Variants in ADAMTS6 observed in about 807,000 individuals in gnomAD.
ADAMTS6 encodes the protein ADAM metallopeptidase with thrombospondin type 1 motif 6.
ADAMTS6 carries 23 observed loss-of-function variants against 144.3 expected under a neutral mutation model. The observed-to-expected ratio is 0.16, with a 90% CI of 0.11 to 0.23. The LOEUF is 0.23. Among genes scored for constraint, ADAMTS6 ranks in the 10% least tolerant of loss-of-function variants. ADAMTS6 has a pLI of 1.00. For synonymous variants in ADAMTS6, 444 were observed against 457.5 expected (o/e 0.97, Z 0.38); for missense variants, 999 against 1,379.6 (o/e 0.72, Z 4.37).
At chr5:65,155,750 T>A (rs887836281) in intron 24 of ADAMTS6, among the ~76,000 whole-genome samples, 57 of 152,310 alleles carry the variant, frequency 3.7e-4, no homozygotes, top group African/African-American at 1.3e-3. Flanking sequence ...ATTCTTAGCA[T>A]CTAAACGCAA....
intron 22 of ADAMTS6, 116 bp downstream of exon 22, chr5:65,187,900 T>C (rs1262113122): frequency 1.9e-6 from 2 of 1,049,528 alleles, no homozygotes; most frequent in African/African-American, 3.2e-5. Context: ...TGGTCACTGT[T>C]ACACAGCCCT....
At chr5:65,388,369 G>A (rs1300853744) in intron 7 of ADAMTS6, among the ~76,000 whole-genome samples, 1 of 152,142 alleles carries the variant, frequency 6.6e-6, no homozygotes, top group Non-Finnish European at 1.5e-5. Context: ...CTTCTGATGA[G>A]GTTCTGATGA....
chr5:65,225,215 G>A lies in ADAMTS6; in HGVS notation c.2068-168C>T, dbSNP rs2112395665. Among the ~76,000 whole-genome samples, 2 of 152,210 alleles carry A rather than the reference G, an allele frequency of 1.3e-5. 1 individual carries two copies. ...TGGGTCTTTGTTATTTGAAAAACTTGAATACTACTACAAAAATAACTTTTT... is the reference window on the plus strand; with the variant it reads ...TGGGTCTTTGTTATTTGAAAAACTTAAATACTACTACAAAAATAACTTTTT... On this transcript the variant is annotated intron_variant, in intron 16 of 24. Coordinates refer to ENST00000381055, the MANE Select transcript of ADAMTS6 (RefSeq NM_197941.4).
At chr5:65,476,529 C>A (rs1034926963) in intron 1 of ADAMTS6, among the ~76,000 whole-genome samples, 7 of 152,182 alleles carry the variant, frequency 4.6e-5, no homozygotes, top group East Asian at 3.8e-4. Flanking sequence ...AGTCTAAATT[C>A]TTTGTATTAT....
intron 11 of ADAMTS6, among the ~76,000 whole-genome samples, chr5:65,280,451 C>A (rs1762901366): frequency 6.6e-6 from 1 of 152,188 alleles, no homozygotes; most frequent in East Asian, 1.9e-4. Flanking sequence ...ACTAAGCCAA[C>A]CACCATGTTG....
chr5:65,398,676 C>T (rs991281481), intron 7 of ADAMTS6, among the ~76,000 whole-genome samples: 1 of 151,378 alleles, frequency 6.6e-6, no homozygotes, highest in African/African-American at 2.4e-5. Flanking sequence ...TGCACCACTG[C>T]ACTCCAGTCT....
chr5:65,308,942 A>G (rs1280005627), intron 9 of ADAMTS6, among the ~76,000 whole-genome samples: 2 of 152,204 alleles, frequency 1.3e-5, no homozygotes, highest in African/African-American at 4.8e-5. Flanking sequence ...TGATATTGGC[A>G]ACCTTTTCAA....
chr5:65,411,833 C>T (rs946076210), intron 7 of ADAMTS6, among the ~76,000 whole-genome samples: 8 of 152,140 alleles, frequency 5.3e-5, no homozygotes, highest in Non-Finnish European at 1.5e-5. Context: ...AACTAAACTT[C>T]TAGAGTGCTC....
intron 7 of ADAMTS6, among the ~76,000 whole-genome samples, chr5:65,446,788 C>A (rs2150241409): frequency 6.6e-6 from 1 of 152,212 alleles, no homozygotes; most frequent in South Asian, 2.1e-4. Context: ...TTAGCAGTTG[C>A]TTACGACTAG....
chr5:65,230,306 ATATATGAAATATATATAATACAT>A (rs1479558101), intron 15 of ADAMTS6, among the ~76,000 whole-genome samples: 4 of 118,148 alleles, frequency 3.4e-5, no homozygotes, highest in African/African-American at 1.1e-4. Context: ...ATATATATAT[ATATATGAAATATATATAATACAT>A]TATATATATG....
chr5:65,452,316 C>T (rs1758814417), intron 5 of ADAMTS6, 100 bp from the exon 6 acceptor site: 3 of 915,012 alleles, frequency 3.3e-6, no homozygotes, highest in South Asian at 1.6e-5. Flanking sequence ...TAAATTTAGC[C>T]ATTGTATACA....
intron 15 of ADAMTS6, among the ~76,000 whole-genome samples, chr5:65,229,543 G>C (rs900483898): frequency 2.0e-5 from 3 of 152,060 alleles, no homozygotes; most frequent in Admixed American, 6.6e-5. Context: ...AGAGAACACA[G>C]ACAACTTAAT....
At chr5:65,162,760 A>G (rs761144717) in intron 24 of ADAMTS6, among the ~76,000 whole-genome samples, 1 of 152,182 alleles carries the variant, frequency 6.6e-6, no homozygotes, top group Non-Finnish European at 1.5e-5. Context: ...TTAATATGAT[A>G]GTTATATCCT....
chr5:65,248,646 T>TTAGCCGGG (rs57680143), intron 14 of ADAMTS6, among the ~76,000 whole-genome samples: 90,096 of 150,966 alleles, frequency 0.6, 28,350 homozygotes, highest in African/African-American at 0.82. Flanking sequence ...AATACAAAAA[T>TTAGCCGGG]TATGGTGGTG....
intron 7 of ADAMTS6, among the ~76,000 whole-genome samples, chr5:65,388,071 G>A (rs917285106): frequency 2.6e-5 from 4 of 152,154 alleles, no homozygotes; most frequent in Non-Finnish European, 4.4e-5. Context: ...TTAGCCGGGC[G>A]TTGTGGCAGG....
intron 8 of ADAMTS6, among the ~76,000 whole-genome samples, chr5:65,330,263 T>C (rs114408321): frequency 2.1e-3 from 325 of 152,270 alleles, no homozygotes; most frequent in African/African-American, 7.6e-3. Context: ...TTTTAATATT[T>C]ACTTTCAAAT....
chr5:65,369,869 C>A (rs185383312), intron 7 of ADAMTS6, among the ~76,000 whole-genome samples: 145 of 152,212 alleles, frequency 9.5e-4, no homozygotes, highest in African/African-American at 3.4e-3. Flanking sequence ...TAAAAATCAT[C>A]TGAAGCAACA....
intron 12 of ADAMTS6, among the ~76,000 whole-genome samples, chr5:65,272,643 G>A (rs1002740756): frequency 5.9e-5 from 9 of 151,972 alleles, no homozygotes; most frequent in African/African-American, 2.2e-4. Context: ...CTTTAGATGG[G>A]GTGTGGTAGC....
At chr5:65,273,779 A>G (rs1372318471) in intron 11 of ADAMTS6, among the ~76,000 whole-genome samples, 2 of 152,202 alleles carry the variant, frequency 1.3e-5, no homozygotes, top group Non-Finnish European at 2.9e-5. Context: ...ATATATGTTT[A>G]TTACACTCAA....
Sources: allele counts gnomAD v4.1 joint callset (sites outside exome capture counted in the v4.1 genomes callset), GRCh38; gene constraint gnomAD v4.1.1; transcripts MANE v1.5; gene names NCBI Gene and HGNC (gene_info 2026-07-23, HGNC 2026-07-21).